LRRFIP1: variants seen among roughly 807,000 people sequenced by gnomAD.
LRRFIP1 encodes LRR binding FLII interacting protein 1, also known as leucine-rich repeat flightless-interacting protein 1.
In LRRFIP1, 62 loss-of-function variants were observed where a neutral mutation model predicts 104.4. The observed-to-expected ratio is 0.59, with a 90% CI of 0.48 to 0.73. The LOEUF is 0.73. Among genes scored for constraint, LRRFIP1 ranks in the 30% least tolerant of loss-of-function variants. The pLI is 0.00. For synonymous variants in LRRFIP1, 300 were observed against 299.0 expected (o/e 1.00, Z -0.03); for missense variants, 796 against 824.5 (o/e 0.97, Z 0.42).
In LRRFIP1 at chr2:237,701,533, C is replaced by T. The variant is rs145440981; in HGVS notation, c.97-7011C>T. Among the ~76,000 whole-genome samples the T allele has an allele frequency of 2.3e-3, 347 of 152,358 alleles. 10 individuals carry two copies. The East Asian group carries it at 0.047, about 21-fold the overall frequency. On this transcript the variant is annotated intron_variant, in intron 1 of 23. Transcript: ENST00000308482. ...TTCTTCTCTCTCTGGTTCTCCTTGGCCTGAGCCCCCAGCCTGAGCCGGGCT... is the reference window on the plus strand; with the variant it reads ...TTCTTCTCTCTCTGGTTCTCCTTGGTCTGAGCCCCCAGCCTGAGCCGGGCT...
rs148346353 is a variant in LRRFIP1 at position 237,639,080 on chromosome 2, G to C, written c.96+11340G>C. Among the ~76,000 whole-genome samples the C allele has an allele frequency of 5.4e-3, 816 of 152,342 alleles. 5 individuals are homozygous for C. The highest frequency in any genetic ancestry group is 0.019 in the African/African-American group (784 of 41,562). On this transcript the variant is annotated intron_variant, in intron 1 of 23. Transcript: ENST00000308482. ...AGCTAGAGCCCACAGGCTGCAGGGC[G>C]TGCTGCCTGGCACCTGGTAGGTGGC...
At chr2:237,666,928 CT>C (rs1372275252) in intron 1 of LRRFIP1, among the ~76,000 whole-genome samples, 5 of 30,390 alleles carry the variant, frequency 1.6e-4, no homozygotes, top group Non-Finnish European at 3.2e-4. Flanking sequence ...TTCTTTCTTT[CT>C]TTCTTTCTTT....
chr2:237,749,410 A>G, intron 13 of LRRFIP1, 86 bp downstream of exon 13: 2 of 1,473,904 alleles, frequency 1.4e-6, no homozygotes, highest in Non-Finnish European at 9.1e-7. Flanking sequence ...GTTAATTCAT[A>G]AAGTTCTGGA....
At chr2:237,665,254 A>T (rs984172805) in intron 1 of LRRFIP1, among the ~76,000 whole-genome samples, 4 of 152,222 alleles carry the variant, frequency 2.6e-5, no homozygotes, top group African/African-American at 9.6e-5. Flanking sequence ...AAAAGAAAAA[A>T]TGCTGATTTT....
At position 237,763,650 on chromosome 2, in the gene LRRFIP1, A is replaced by G. The variant is rs374018186; in HGVS notation, c.1459+3445A>G. ...AGCAGTGAAAATGTTGATTGTCCGG[A>G]GAATCCTAAAATTAAGTTGGATGGA... is the stretch of plus-strand genomic sequence containing the variant. On this transcript the variant is annotated intron_variant, in intron 19 of 23. Transcript: ENST00000308482. 6.2e-7 allele frequency: 1 copy of G among 1,614,040 alleles called. No homozygotes were observed. Among genetic ancestry groups the G allele is most frequent in the Non-Finnish European group, 8.5e-7 (1 of 1,179,990 alleles).
chr2:237,771,567 C>T (rs867310244), intron 20 of LRRFIP1, among the ~76,000 whole-genome samples: 2 of 88,276 alleles, frequency 2.3e-5, no homozygotes. Context: ...CCCCCCCCCG[C>T]CCAGATACCA....
At chr2:237,636,854 T>G (rs2083196513) in intron 1 of LRRFIP1, among the ~76,000 whole-genome samples, 2 of 152,246 alleles carry the variant, frequency 1.3e-5, no homozygotes, top group South Asian at 4.1e-4. Context: ...GTCTCTTGCC[T>G]TTGAGGCCAG....
chr2:237,701,509 T>A (rs1001857736), intron 1 of LRRFIP1, among the ~76,000 whole-genome samples: 1 of 152,178 alleles, frequency 6.6e-6, no homozygotes, highest in South Asian at 2.1e-4. Context: ...GTCAATAACT[T>A]CTTCTCTCTC....
chr2:237,779,726 G>T lies in LRRFIP1; in HGVS notation c.*194G>T. ...CAGCAGCCACCAGGTGCCTCTGTCTGCAGACCCCTGGCCCGGGCTGGCGCC... is the reference window on the plus strand; with the variant it reads ...CAGCAGCCACCAGGTGCCTCTGTCTTCAGACCCCTGGCCCGGGCTGGCGCC... On this transcript the variant is annotated 3_prime_UTR_variant, in exon 24 of 24. Coordinates refer to ENST00000308482, the MANE Select transcript of LRRFIP1 (RefSeq NM_001137550.2). The T allele has an allele frequency of 2.0e-6, 1 of 510,514 alleles. No homozygotes were observed. The highest frequency in any genetic ancestry group is 3.5e-6 in the Non-Finnish European group (1 of 283,218). 31.6% of individuals were successfully genotyped at this position (510,514 alleles called of 1,614,324 possible). A position where few individuals can be genotyped will look rare whatever the true frequency, so the allele number is the denominator to read the frequency against.
In LRRFIP1 at chr2:237,711,955, A is replaced by G. The variant is rs1015997515; in HGVS notation, c.184-2304A>G. 1.3e-5 allele frequency among the ~76,000 whole-genome samples: 2 copies of G among 152,224 alleles called. No homozygotes were observed. The highest frequency in any genetic ancestry group is 4.8e-5 in the African/African-American group (2 of 41,460). On this transcript the variant is annotated intron_variant, in intron 2 of 23. Transcript: ENST00000308482. This position sits in a 1 kb window ranked among gnomAD's most constrained non-coding sequence, Gnocchi z 4.4. ...CCTTCATGAATTTCGGGTCTTTGCA[A>G]GGCGGCAGCATTCCTGTTTAAAGTT...
intron 19 of LRRFIP1, chr2:237,765,852 C>G (rs2060223356): frequency 1.0e-6 from 1 of 979,040 alleles, no homozygotes; most frequent in African/African-American, 1.8e-5. Flanking sequence ...ACCAAAACCT[C>G]AATAAAATTT....
In LRRFIP1 at chr2:237,717,666, G is replaced by A. The variant is rs913308919; in HGVS notation, c.202-96G>A. Reference sequence around the variant, plus strand: ...TGTTACCTTCACCACACGGCTGGATGGCGGTTTGGAAATGCATGTCAGAAC... The same window carrying A: ...TGTTACCTTCACCACACGGCTGGATAGCGGTTTGGAAATGCATGTCAGAAC... On this transcript the variant is annotated intron_variant, in intron 3 of 23. Transcript: ENST00000308482. This position sits in a 1 kb window ranked among gnomAD's most constrained non-coding sequence, Gnocchi z 4.2. The A allele has an allele frequency of 5.7e-5, 54 of 942,832 alleles. No individual in the cohort carries two copies. Among genetic ancestry groups the A allele is most frequent in the Non-Finnish European group, 9.2e-5 (52 of 567,560 alleles). The allele number at this position is 942,832 out of a possible 1,614,324, so 58.4% of individuals were successfully genotyped here. A position where few individuals can be genotyped will look rare whatever the true frequency, so the allele number is the denominator to read the frequency against.
At chr2:237,751,798 G>A (rs939500883) in intron 14 of LRRFIP1, among the ~76,000 whole-genome samples, 1 of 152,212 alleles carries the variant, frequency 6.6e-6, no homozygotes, top group African/African-American at 2.4e-5. Flanking sequence ...TGGAGCGTGT[G>A]CACACTGCTT....
At position 237,735,579 on chromosome 2, in the gene LRRFIP1, C is replaced by T; in HGVS notation, c.555+246C>T. On this transcript the variant is annotated intron_variant, in intron 10 of 23. Coordinates refer to ENST00000308482, the MANE Select transcript of LRRFIP1 (RefSeq NM_001137550.2). This position sits in a 1 kb window ranked among gnomAD's most constrained non-coding sequence, Gnocchi z 4.6. Reference sequence around the variant, plus strand: ...TAACTTGCACTGAGTTTCATCTGCTCTCTCTGCAGCACGCCAACCATACTA... The same window carrying T: ...TAACTTGCACTGAGTTTCATCTGCTTTCTCTGCAGCACGCCAACCATACTA... 1 of 468,370 alleles carries T rather than the reference C, an allele frequency of 2.1e-6. No homozygotes were observed. Among genetic ancestry groups the T allele is most frequent in the Non-Finnish European group, 3.8e-6 (1 of 263,306 alleles). The allele number at this position is 468,370 out of a possible 1,614,324, so 29.0% of individuals were successfully genotyped here. A position where few individuals can be genotyped will look rare whatever the true frequency, so the allele number is the denominator to read the frequency against.
intron 1 of LRRFIP1, among the ~76,000 whole-genome samples, chr2:237,699,922 T>G (rs1186973720): frequency 6.6e-6 from 1 of 152,246 alleles, no homozygotes; most frequent in Non-Finnish European, 1.5e-5. Flanking sequence ...GAAGGCTCTT[T>G]GTGGTTCCTG....
chr2:237,753,326 T>C lies in LRRFIP1; in HGVS notation c.885T>C (p.Val295=). 1 of 1,585,734 alleles carries C rather than the reference T, an allele frequency of 6.3e-7. No homozygotes were observed. ...TTCCACAGGACTCTCTAGCAGAAGT[T>C]GAAGAGAAATATAAGAAGGCTATGG... The part of the protein sequence containing the change: ...LKEMKDSLAE[V]EEKYKKAMVS... Residue 295 remains valine (V), a synonymous_variant, in exon 15 of 24, where the codon GTT becomes GTC. Coordinates refer to ENST00000308482, the MANE Select transcript of LRRFIP1 (RefSeq NM_001137550.2).
At chr2:237,726,407 G>A (rs1328333822) in intron 7 of LRRFIP1, among the ~76,000 whole-genome samples, 1 of 151,866 alleles carries the variant, frequency 6.6e-6, no homozygotes, top group Non-Finnish European at 1.5e-5. Context: ...TACAGCACCC[G>A]TCCCCCGGAT....
intron 11 of LRRFIP1, among the ~76,000 whole-genome samples, chr2:237,744,659 A>G (rs2057564539): frequency 1.3e-5 from 2 of 152,370 alleles, no homozygotes; most frequent in East Asian, 3.9e-4. Flanking sequence ...TTTCCAGTAG[A>G]TTTTCAATGA....
Position 237,687,603 on chromosome 2 carries a change from C to CAA in LRRFIP1, c.97-20921_97-20920dup, listed in dbSNP as rs58549867. Among the ~76,000 whole-genome samples, 740 of 81,052 alleles carry CAA rather than the reference C, an allele frequency of 9.1e-3. 9 individuals carry two copies. The highest frequency in any genetic ancestry group is 0.053 in the East Asian group (157 of 2,936). The allele number at this position is 81,052 out of a possible 152,430, so 53.2% of individuals were successfully genotyped here. On this transcript the variant is annotated intron_variant, in intron 1 of 23. Transcript: ENST00000308482. The stretch of plus-strand genomic sequence containing the variant: ...TGGGTAACAGAGCGAGACTCCATCT[C>CAA]AAAAAAAAAAAAAAAAAAAAAGAGG...
Sources: gnomAD v4.1 joint callset for allele counts (sites outside exome capture counted in the v4.1 genomes callset) on GRCh38, gnomAD v4.1.1 for gene constraint, Gnocchi (gnomAD v3.1) non-coding constraint, MANE v1.5 for transcripts, NCBI Gene and HGNC (gene_info 2026-07-23, HGNC 2026-07-21) for gene names.